UST: variants seen among roughly 807,000 people sequenced by gnomAD.
The protein encoded by UST is chondroitin sulfate 2-O-sulfotransferase.
Under a neutral mutation model 45.6 loss-of-function variants are expected in UST, and 21 were observed. That is an observed-to-expected ratio of 0.46 (90% CI 0.33 to 0.66). The LOEUF (loss-of-function observed/expected upper bound fraction) is 0.66. UST is among the 30% of genes least tolerant of loss of function. UST has a pLI of 0.02. For missense variants in UST, 463 were observed against 512.4 expected (o/e 0.90, Z 0.93); for synonymous variants, 215 against 200.6 (o/e 1.07, Z -0.61).
chr6:148,845,716 C>A (rs1034868403), intron 1 of UST, among the ~76,000 whole-genome samples: 10 of 152,184 alleles, frequency 6.6e-5, no homozygotes, highest in African/African-American at 2.2e-4. Flanking sequence ...TCCAAAGTGT[C>A]TGTATGACTC....
chr6:148,901,767 C>T (rs1445721514), intron 2 of UST, among the ~76,000 whole-genome samples: 1 of 152,088 alleles, frequency 6.6e-6, no homozygotes, highest in African/African-American at 2.4e-5. Context: ...CCATGTTGGC[C>T]AGGCTGGTCT....
At chr6:148,901,664 T>G (rs900558365) in intron 2 of UST, among the ~76,000 whole-genome samples, 4 of 151,812 alleles carry the variant, frequency 2.6e-5, no homozygotes, top group African/African-American at 9.7e-5. Context: ...TTCAAATGAT[T>G]CTCCTGCCTC....
In UST at chr6:148,911,228, T is replaced by C. The variant is rs183815329; in HGVS notation, c.291+24199T>C. On this transcript the variant is annotated intron_variant, in intron 2 of 7. Transcript: ENST00000367463. ...GAAGGTCACTCAGTCATCACCACTC[T>C]GAAGCTCAAGCTCTAATGAGAAGCT... Among the ~76,000 whole-genome samples the C allele has an allele frequency of 1.2e-4, 19 of 152,320 alleles. No homozygotes were observed. In the East Asian group the frequency reaches 3.5e-3, roughly 28 times the overall value.
intron 1 of UST, among the ~76,000 whole-genome samples, chr6:148,821,260 C>A (rs1230791001): frequency 6.6e-6 from 1 of 151,890 alleles, no homozygotes; most frequent in Admixed American, 6.6e-5. Context: ...CATGAGCCAC[C>A]GCACCTGGCT....
intron 1 of UST, among the ~76,000 whole-genome samples, chr6:148,859,447 T>TGTTCA (rs1280069002): frequency 6.6e-6 from 1 of 152,234 alleles, no homozygotes; most frequent in African/African-American, 2.4e-5. Flanking sequence ...GTAGGTTGCC[T>TGTTCA]GTTCACTCTG....
At chr6:148,949,192 G>A (rs572415608) in intron 3 of UST, among the ~76,000 whole-genome samples, 9 of 151,964 alleles carry the variant, frequency 5.9e-5, no homozygotes, top group African/African-American at 2.2e-4. Context: ...TGGGGAGGCT[G>A]GGGCAGGAGA....
rs1776892485 is a variant in UST, at chr6:149,076,565, T to C, written c.*2449T>C. On this transcript the variant is annotated 3_prime_UTR_variant, in exon 8 of 8. Transcript: ENST00000367463. Reference sequence around the variant, plus strand: ...GTCCCAGCCAACACCCTCTAGGTCCTAAAAGTCAAGGTACTTCAGTTTATT... The same window carrying C: ...GTCCCAGCCAACACCCTCTAGGTCCCAAAAGTCAAGGTACTTCAGTTTATT... 1 of 152,616 alleles carries C rather than the reference T, an allele frequency of 6.6e-6. No homozygotes were observed. The highest frequency in any genetic ancestry group is 1.5e-5 in the Non-Finnish European group (1 of 68,040). 9.5% of individuals were successfully genotyped at this position (152,616 alleles called of 1,614,324 possible).
At chr6:149,072,178 C>A (rs1243275788) in intron 7 of UST, among the ~76,000 whole-genome samples, 2 of 152,168 alleles carry the variant, frequency 1.3e-5, no homozygotes, top group African/African-American at 4.8e-5. Context: ...TACCGCATGA[C>A]CCAGCAATTC....
At position 149,002,729 on chromosome 6, in the gene UST, ACTCCTGAC is replaced by A. The variant is rs572940016; in HGVS notation, c.682-16406_682-16399del. Among the ~76,000 whole-genome samples the A allele has an allele frequency of 1.8e-3, 273 of 152,158 alleles. 1 individual carries two copies. Among genetic ancestry groups the A allele is most frequent in the Middle Eastern group, 3.4e-3 (1 of 294 alleles). On this transcript the variant is annotated intron_variant, in intron 5 of 7. Transcript: ENST00000367463. ...ACCATATTAGTCAGGCTGGTCTCGAACTCCTGACCTCAGGTAATCCACCTGCCTCAGCA... is the reference window on the plus strand; with the variant it reads ...ACCATATTAGTCAGGCTGGTCTCGAACTCAGGTAATCCACCTGCCTCAGCA...
chr6:148,896,126 G>A (rs1779124664), intron 2 of UST, among the ~76,000 whole-genome samples: 1 of 152,232 alleles, frequency 6.6e-6, no homozygotes, highest in Non-Finnish European at 1.5e-5. Context: ...TGACCTTGGA[G>A]AAGATTTCTG....
chr6:148,909,973 C>CTGTT (rs1779441863), intron 2 of UST, among the ~76,000 whole-genome samples: 1 of 152,074 alleles, frequency 6.6e-6, no homozygotes, highest in Non-Finnish European at 1.5e-5. Context: ...GCAATAGGAA[C>CTGTT]TGTTCTGCAT....
intron 5 of UST, among the ~76,000 whole-genome samples, chr6:148,972,017 CAG>C (rs979270547): frequency 2.6e-4 from 39 of 152,282 alleles, no homozygotes; most frequent in African/African-American, 8.9e-4. Context: ...CAGGTGGGGT[CAG>C]GGGCAGCAAT....
At chr6:148,851,990 T>C (rs1360251805) in intron 1 of UST, among the ~76,000 whole-genome samples, 1 of 152,050 alleles carries the variant, frequency 6.6e-6, no homozygotes, top group African/African-American at 2.4e-5. Flanking sequence ...CATGACTTCT[T>C]ACCTTTGTTC....
At chr6:148,833,516 A>G (rs538472687) in intron 1 of UST, among the ~76,000 whole-genome samples, 2 of 152,246 alleles carry the variant, frequency 1.3e-5, no homozygotes, top group African/African-American at 4.8e-5. Context: ...ACGAACCCCA[A>G]CTGTGGAACC....
chr6:148,866,525 C>G (rs1036028601), intron 1 of UST, among the ~76,000 whole-genome samples: 4 of 152,144 alleles, frequency 2.6e-5, no homozygotes, highest in African/African-American at 9.7e-5. Flanking sequence ...AGAGCACTAC[C>G]TAGTGAGTTG....
intron 7 of UST, among the ~76,000 whole-genome samples, chr6:149,040,925 C>T (rs1776304753): frequency 6.6e-6 from 1 of 152,142 alleles, no homozygotes; most frequent in Non-Finnish European, 1.5e-5. Context: ...ACTCTTTGCC[C>T]CAGTGAATGG....
chr6:149,011,597 G>A (rs956270141), intron 5 of UST, among the ~76,000 whole-genome samples: 2 of 152,150 alleles, frequency 1.3e-5, no homozygotes, highest in East Asian at 3.9e-4. Flanking sequence ...GATCCCCTGA[G>A]GTCAGGAGTT....
chr6:149,073,886 C>T lies in UST; in HGVS notation c.991C>T (p.Pro331Ser), dbSNP rs1562346694. Residue 331 changes from proline (P) to serine (S), a missense_variant, in exon 8 of 8, where the codon CCT (proline) becomes TCT (serine). Coordinates refer to ENST00000367463, the MANE Select transcript of UST (RefSeq NM_005715.3). ...TVTVKKTVPS[P>S]EAVQILYQRM... is the part of the protein sequence containing the mutation. ...GACGGTGAAGAAGACTGTCCCCTCT[C>T]CTGAGGCTGTGCAGATCCTCTACCA... 2 of 1,614,146 alleles carry T rather than the reference C, an allele frequency of 1.2e-6. No individual in the cohort carries two copies. The highest frequency in any genetic ancestry group is 1.3e-5 in the African/African-American group (1 of 75,020).
At chr6:149,021,260 T>C in intron 6 of UST, 64 bp from the exon 7 acceptor site, 1 of 1,520,788 alleles carries the variant, frequency 6.6e-7, no homozygotes, top group Admixed American at 2.0e-5. Flanking sequence ...GGGTAAACTC[T>C]CAGCATCTTG....
Sources: allele counts gnomAD v4.1 joint callset (sites outside exome capture counted in the v4.1 genomes callset), GRCh38; gene constraint gnomAD v4.1.1; transcripts MANE v1.5; gene names NCBI Gene and HGNC (gene_info 2026-07-23, HGNC 2026-07-21).